ARID2: variants seen among roughly 807,000 people sequenced by gnomAD.
The protein encoded by ARID2 is AT-rich interactive domain-containing protein 2.
Under a neutral mutation model 184.6 loss-of-function variants are expected in ARID2, and 32 were observed. That is an observed-to-expected ratio of 0.17 (90% CI 0.13 to 0.23). ARID2 has a LOEUF of 0.23. ARID2 is among the 10% of genes least tolerant of loss of function. ARID2 has a pLI of 1.00. For missense variants in ARID2, 1,696 were observed against 2,197.6 expected (o/e 0.77, Z 4.56); for synonymous variants, 836 against 772.6 (o/e 1.08, Z -1.36).
intron 3 of ARID2, among the ~76,000 whole-genome samples, chr12:45,796,941 A>G (rs954591712): frequency 2.6e-5 from 4 of 151,988 alleles, no homozygotes; most frequent in African/African-American, 9.7e-5. Flanking sequence ...ATGTATTTCT[A>G]CTCTCTGTAT....
chr12:45,888,038 A>T (rs1314319737), intron 16 of ARID2, among the ~76,000 whole-genome samples: 1 of 152,154 alleles, frequency 6.6e-6, no homozygotes, highest in Non-Finnish European at 1.5e-5. Flanking sequence ...TACTAAAAAT[A>T]TAAAAAATCA....
chr12:45,757,795 CTTCACACTTT>C (rs1941596939), intron 3 of ARID2, among the ~76,000 whole-genome samples: 1 of 151,818 alleles, frequency 6.6e-6, no homozygotes, highest in Admixed American at 6.6e-5. Flanking sequence ...AGTGCAAATT[CTTCACACTTT>C]TGTCATGTGA....
intron 15 of ARID2, among the ~76,000 whole-genome samples, chr12:45,859,975 A>AC (rs1943714729): frequency 2.0e-5 from 3 of 151,996 alleles, no homozygotes; most frequent in South Asian, 2.1e-4. Flanking sequence ...CAGGTGATCC[A>AC]CCCCCCTGGG....
Position 45,836,671 on chromosome 12 carries a change from CA to C in ARID2, c.772+20del. 1 of 1,602,264 alleles carries C rather than the reference CA, an allele frequency of 6.2e-7. No individual in the cohort carries two copies. Among genetic ancestry groups the C allele is most frequent in the East Asian group, 2.2e-5 (1 of 44,690 alleles). On this transcript the variant is annotated intron_variant, in intron 7 of 20. Coordinates refer to ENST00000334344, the MANE Select transcript of ARID2 (RefSeq NM_152641.4). ...AAGTCTCATGGTAAGTTAGTGAAAGCAAAATTTTTCAAAACCTTTGAAGTAT... is the reference window on the plus strand; with the variant it reads ...AAGTCTCATGGTAAGTTAGTGAAAGCAAATTTTTCAAAACCTTTGAAGTAT...
chr12:45,862,298 A>C (rs778982222), intron 16 of ARID2, among the ~76,000 whole-genome samples: 4 of 152,204 alleles, frequency 2.6e-5, no homozygotes, highest in African/African-American at 7.2e-5. Flanking sequence ...TATAAAATCT[A>C]TTTGTCAAAA....
chr12:45,891,306 T>G (rs1395704781), intron 16 of ARID2, among the ~76,000 whole-genome samples: 1 of 152,228 alleles, frequency 6.6e-6, no homozygotes, highest in African/African-American at 2.4e-5. Flanking sequence ...AAATCTGACT[T>G]TCTTCAGTTT....
rs759210849 is a variant in ARID2 at position 45,729,814 on chromosome 12, T to A, written c.-23T>A. 6.8e-5 allele frequency: 108 copies of A among 1,591,864 alleles called. No homozygotes were observed. In the Admixed American group the frequency reaches 1.8e-3, roughly 27 times the overall value. Reference sequence around the variant, plus strand: ...TTTTAAAACACCGATCTGGGTTTTTTAAAAACCTCCTTTGAAAAAATAATG... The same window carrying A: ...TTTTAAAACACCGATCTGGGTTTTTAAAAAACCTCCTTTGAAAAAATAATG... On this transcript the variant is annotated 5_prime_UTR_variant, in exon 1 of 21. Coordinates refer to ENST00000334344, the MANE Select transcript of ARID2 (RefSeq NM_152641.4).
intron 15 of ARID2, among the ~76,000 whole-genome samples, chr12:45,856,067 CTTTTTTTTTTTTTT>C (rs930473740): frequency 4.0e-5 from 3 of 74,616 alleles, no homozygotes; most frequent in South Asian, 9.6e-4. Context: ...TTCTTCTTTT[CTTTTTTTTTTTTTT>C]TTTTTTTTTT....
chr12:45,876,559 GA>G (rs1278536900), intron 16 of ARID2, among the ~76,000 whole-genome samples: 1 of 85,280 alleles, frequency 1.2e-5, no homozygotes, highest in Non-Finnish European at 2.5e-5. Flanking sequence ...CTCAAAAAAA[GA>G]AAAAAAAGGA....
rs1020113419 is a variant in ARID2 at position 45,798,154 on chromosome 12, A to G, written c.285-13264A>G. ...ACTAATTTTCTCACTTTTTACAGCT[A>G]TATACTAATCCAACTTAAGAATCTA... On this transcript the variant is annotated intron_variant, in intron 3 of 20. Coordinates refer to ENST00000334344, the MANE Select transcript of ARID2 (RefSeq NM_152641.4). Among the ~76,000 whole-genome samples, 5 of 152,104 alleles carry G rather than the reference A, an allele frequency of 3.3e-5. No homozygotes were observed. In the East Asian group the frequency reaches 7.7e-4, roughly 23 times the overall value.
At chr12:45,776,160 A>T (rs1427444814) in intron 3 of ARID2, 1 of 164,564 alleles carries the variant, frequency 6.1e-6, no homozygotes, top group Non-Finnish European at 1.5e-5. Context: ...ATCATCTGGG[A>T]GCTTGTTAGA....
At chr12:45,858,556 C>G in intron 15 of ARID2, among the ~76,000 whole-genome samples, 1 of 152,206 alleles carries the variant, frequency 6.6e-6, no homozygotes, top group East Asian at 1.9e-4. Context: ...TATTCCCAAA[C>G]TAAACCGATC....
chr12:45,749,096 C>G (rs1247584344), intron 3 of ARID2, among the ~76,000 whole-genome samples: 2 of 152,194 alleles, frequency 1.3e-5, no homozygotes, highest in East Asian at 1.9e-4. Flanking sequence ...CTACTTTGCT[C>G]ACTTCCATCC....
rs146818317 is a variant in ARID2, at chr12:45,794,282, T to C, written c.285-17136T>C. Among the ~76,000 whole-genome samples, 829 of 152,326 alleles carry C rather than the reference T, an allele frequency of 5.4e-3. 7 individuals are homozygous for C. Among genetic ancestry groups the C allele is most frequent in the African/African-American group, 0.019 (790 of 41,566 alleles). On this transcript the variant is annotated intron_variant, in intron 3 of 20. Coordinates refer to ENST00000334344, the MANE Select transcript of ARID2 (RefSeq NM_152641.4). ...GTTTATTTTTCCTTCTTCACAATTT[T>C]AGGGATGGAATATTTGTTCTTTCCA... is the stretch of plus-strand genomic sequence containing the variant.
At chr12:45,901,957 C>T (rs953089428) in intron 20 of ARID2, among the ~76,000 whole-genome samples, 4 of 152,174 alleles carry the variant, frequency 2.6e-5, no homozygotes, top group South Asian at 4.1e-4. Context: ...GGATTACAGG[C>T]GTGAGCCACC....
intron 3 of ARID2, among the ~76,000 whole-genome samples, chr12:45,757,592 AAGG>A (rs1274237045): frequency 6.6e-6 from 1 of 152,238 alleles, no homozygotes; most frequent in African/African-American, 2.4e-5. Flanking sequence ...ATTGAGAAAA[AAGG>A]AGAAGCCAAG....
chr12:45,881,912 G>A (rs535689720), intron 16 of ARID2: 10 of 203,810 alleles, frequency 4.9e-5, no homozygotes, highest in Admixed American at 3.2e-4. Context: ...CCCCAGAGCC[G>A]TGGAACATGC....
At chr12:45,833,095 A>G (rs551309118) in intron 6 of ARID2, among the ~76,000 whole-genome samples, 3 of 152,254 alleles carry the variant, frequency 2.0e-5, no homozygotes, top group East Asian at 3.9e-4. Context: ...GATATTTTCT[A>G]TTGTTATGCA....
intron 3 of ARID2, among the ~76,000 whole-genome samples, chr12:45,808,910 G>A (rs759542157): frequency 3.3e-5 from 5 of 152,078 alleles, no homozygotes; most frequent in African/African-American, 4.8e-5. Context: ...GATTACAGGC[G>A]TGCGCCACCA....
Sources: allele counts gnomAD v4.1 joint callset (sites outside exome capture counted in the v4.1 genomes callset), GRCh38; gene constraint gnomAD v4.1.1; transcripts MANE v1.5; gene names NCBI Gene and HGNC (gene_info 2026-07-23, HGNC 2026-07-21).